Variants in NT5C3A observed in about 807,000 individuals in gnomAD.
NT5C3A encodes the protein 5'-nucleotidase, cytosolic IIIA.
Under a neutral mutation model 40.0 loss-of-function variants are expected in NT5C3A, and 23 were observed. The observed-to-expected ratio is 0.58, with a 90% confidence interval of 0.41 to 0.81. NT5C3A has a LOEUF of 0.81. Among genes scored for constraint, NT5C3A ranks in the 40% least tolerant of loss-of-function variants. The pLI is 0.00. For missense variants in NT5C3A, 328 were observed against 403.0 expected (o/e 0.81, Z 1.59); for synonymous variants, 130 against 141.4 (o/e 0.92, Z 0.57).
intron 1 of NT5C3A, among the ~76,000 whole-genome samples, chr7:33,046,672 G>T (rs570174416): frequency 2.6e-4 from 40 of 152,282 alleles, no homozygotes; most frequent in African/African-American, 9.6e-4. Context: ...TAGCAGAAAT[G>T]ACACTGATGT....
chr7:33,057,877 C>A (rs893796384), intron 1 of NT5C3A, among the ~76,000 whole-genome samples: 1 of 152,206 alleles, frequency 6.6e-6, no homozygotes, highest in Non-Finnish European at 1.5e-5. Context: ...ATAATTTCCT[C>A]CCTTCCTCGT....
rs1004102984 is a variant in NT5C3A, at chr7:33,015,066, G to A, written c.895-235C>T. 5.9e-5 allele frequency among the ~76,000 whole-genome samples: 9 copies of A among 152,204 alleles called. 1 individual carries two copies. Among genetic ancestry groups the A allele is most frequent in the Admixed American group, 5.9e-4 (9 of 15,268 alleles). Reference sequence around the variant, plus strand: ...CTCTCCAGTCCAGTGGCTTTCAAATGGGGTGATTTTTGTCCACGGAACATT... The same window carrying A: ...CTCTCCAGTCCAGTGGCTTTCAAATAGGGTGATTTTTGTCCACGGAACATT... On this transcript the variant is annotated intron_variant, in intron 8 of 8. Coordinates refer to ENST00000610140, the MANE Select transcript of NT5C3A (RefSeq NM_001002010.5).
At chr7:33,035,444 C>T (rs924400672) in intron 1 of NT5C3A, among the ~76,000 whole-genome samples, 1 of 152,064 alleles carries the variant, frequency 6.6e-6, no homozygotes, top group African/African-American at 2.4e-5. Context: ...CCGCCCGCCT[C>T]GGCCTCCCAA....
intron 1 of NT5C3A, among the ~76,000 whole-genome samples, chr7:33,053,061 A>C (rs746951392): frequency 6.6e-6 from 1 of 152,192 alleles, no homozygotes. Context: ...AAATTGCTGT[A>C]TTGTAGGAAA....
At chr7:33,060,604 G>A (rs1165593086) in intron 1 of NT5C3A, among the ~76,000 whole-genome samples, 4 of 152,084 alleles carry the variant, frequency 2.6e-5, no homozygotes, top group African/African-American at 7.2e-5. Context: ...CCAAGTCCCA[G>A]AAGTTATTGG....
At chr7:33,039,562 G>GTTT (rs770430109) in intron 1 of NT5C3A, among the ~76,000 whole-genome samples, 17 of 120,552 alleles carry the variant, frequency 1.4e-4, no homozygotes, top group African/African-American at 3.9e-4. Context: ...TGGGTTTTTT[G>GTTT]TTTTTTTTTT....
chr7:33,021,303 C>T lies in NT5C3A; in HGVS notation c.409G>A (p.Val137Ile), dbSNP rs756230730. The T allele has an allele frequency of 5.0e-6, 8 of 1,612,140 alleles. No homozygotes were observed. The African/African-American group carries it at 1.1e-4, about 22-fold the overall frequency. Residue 137 changes from valine (V) to isoleucine (I), a missense_variant, in exon 5 of 9, where the codon GTA becomes ATA. Around this residue, in one of 3 missense-constraint regions of NT5C3A, gnomAD observed 280 missense variants for 317.2 expected, o/e 0.88. Transcript: ENST00000610140. ...YAIEVDPVLT[V>I]EEKYPYMVEW... ...ACCATATAAGGGTACTTCTCTTCTA[C>T]AGTAAGAACAGGATCAACTTCAATA...
intron 1 of NT5C3A, among the ~76,000 whole-genome samples, chr7:33,058,188 T>C (rs1787640479): frequency 6.6e-6 from 1 of 152,072 alleles, no homozygotes; most frequent in East Asian, 1.9e-4. Context: ...AGAGGTGTCA[T>C]TTAGTAGGAA....
At chr7:33,021,436 T>TAAACA in intron 4 of NT5C3A, 79 bp from the exon 5 acceptor site, 1 of 1,510,434 alleles carries the variant, frequency 6.6e-7, no homozygotes, top group South Asian at 1.2e-5. Context: ...CAAAACAATG[T>TAAACA]AAACAAGTAT....
chr7:33,059,453 T>C (rs943615920), intron 1 of NT5C3A, among the ~76,000 whole-genome samples: 2 of 152,262 alleles, frequency 1.3e-5, no homozygotes, highest in South Asian at 4.1e-4. Context: ...TCTCTTCATC[T>C]TGGCTAATAA....
rs566846929 is a variant in NT5C3A at position 33,020,887 on chromosome 7, C to T, written c.440+385G>A. On this transcript the variant is annotated intron_variant, in intron 5 of 8. Coordinates refer to ENST00000610140, the MANE Select transcript of NT5C3A (RefSeq NM_001002010.5). ...CTGGAACACTGCATTTTGATTAATG[C>T]AACCAAAGGTCGATTTTTGGGTAAC... 9.9e-5 allele frequency among the ~76,000 whole-genome samples: 15 copies of T among 151,694 alleles called. No homozygotes were observed. In the East Asian group the frequency reaches 2.9e-3, roughly 29 times the overall value.
At chr7:33,022,127 A>C (rs376216438) in intron 3 of NT5C3A, 28 bp from the exon 4 acceptor site, 1 of 1,209,614 alleles carries the variant, frequency 8.3e-7, no homozygotes. Context: ...AATAAGCATT[A>C]AAAGAAATAC....
chr7:33,045,990 C>T (rs1310311387), intron 1 of NT5C3A: 1 of 152,340 alleles, frequency 6.6e-6, no homozygotes, highest in East Asian at 1.9e-4. Flanking sequence ...AGTGCAGACA[C>T]TTGATTGGCA....
chr7:33,025,025 G>C (rs1785840854), intron 2 of NT5C3A, among the ~76,000 whole-genome samples: 1 of 152,088 alleles, frequency 6.6e-6, no homozygotes, highest in Admixed American at 6.5e-5. Flanking sequence ...TGTAATCCCA[G>C]CTACTCAGGA....
chr7:33,039,205 T>C (rs1410180699), intron 1 of NT5C3A, among the ~76,000 whole-genome samples: 1 of 152,148 alleles, frequency 6.6e-6, no homozygotes, highest in African/African-American at 2.4e-5. Context: ...GAAAATTGAT[T>C]GGTATGTCTA....
intron 8 of NT5C3A, 104 bp downstream of exon 8, chr7:33,015,566 A>G (rs1030697338): frequency 1.1e-5 from 8 of 740,602 alleles, no homozygotes; most frequent in Non-Finnish European, 1.8e-5. Flanking sequence ...TCAAAAAAAA[A>G]AGTCTCTAAA....
At chr7:33,037,776 T>C (rs908502353) in intron 1 of NT5C3A, among the ~76,000 whole-genome samples, 1 of 152,194 alleles carries the variant, frequency 6.6e-6, no homozygotes, top group Admixed American at 6.6e-5. Context: ...TGAGTGTGTG[T>C]ATATATATCG....
intron 6 of NT5C3A, among the ~76,000 whole-genome samples, chr7:33,018,846 A>G (rs1409579362): frequency 6.6e-6 from 1 of 151,006 alleles, no homozygotes; most frequent in Non-Finnish European, 1.5e-5. Flanking sequence ...AAAAAAAAGA[A>G]AAAAAAAAGC....
At chr7:33,047,949 A>C (rs1224542895) in intron 1 of NT5C3A, among the ~76,000 whole-genome samples, 2 of 151,824 alleles carry the variant, frequency 1.3e-5, no homozygotes, top group African/African-American at 4.8e-5. Flanking sequence ...CCTCTCAAGT[A>C]GCTGGAACTA....
Sources: gnomAD v4.1 joint callset for allele counts (sites outside exome capture counted in the v4.1 genomes callset) on GRCh38, gnomAD v4.1.1 for gene constraint, gnomAD v4.1.1 regional missense constraint, MANE v1.5 for transcripts, NCBI Gene and HGNC (gene_info 2026-07-23, HGNC 2026-07-21) for gene names.